NOL8: variants seen among roughly 807,000 people sequenced by gnomAD.
NOL8 encodes the protein nucleolar protein Nop132.
Under a neutral mutation model 116.1 loss-of-function variants are expected in NOL8, and 93 were observed. That is an observed-to-expected ratio of 0.80 (90% confidence interval 0.68 to 0.95). The LOEUF (loss-of-function observed/expected upper bound fraction) is 0.95, where lower values mean the gene tolerates loss of function less well. Ranked by LOEUF, NOL8 falls within the 40% of genes least tolerant of loss-of-function variation. NOL8 has a pLI of 0.00. For missense variants in NOL8, 1,291 were observed against 1,382.8 expected, an observed-to-expected ratio of 0.93 and a Z score of 1.05; for synonymous variants, 419 against 469.0, an observed-to-expected ratio of 0.89 and a Z score of 1.38.
At chr9:92,306,790 C>T (rs1838302598) in intron 11 of NOL8, 96 bp downstream of exon 11, 7 of 1,199,842 alleles carry the variant, frequency 5.8e-6, no homozygotes. Context: ...AGCTGCCTCC[C>T]CAGGCCATTA....
At chr9:92,301,517 TA>T (rs1215657652) in intron 13 of NOL8, 33 bp downstream of exon 13, 2 of 1,493,070 alleles carry the variant, frequency 1.3e-6, no homozygotes, top group Non-Finnish European at 1.8e-6. Flanking sequence ...TCAAACTGAA[TA>T]AAATAAAAAA....
intron 14 of NOL8, among the ~76,000 whole-genome samples, chr9:92,299,268 C>T (rs1342169161): frequency 1.3e-5 from 2 of 152,192 alleles, no homozygotes; most frequent in African/African-American, 2.4e-5. Flanking sequence ...ACCATTGCTA[C>T]CCCATTTGCC....
chr9:92,301,025 A>C (rs1012916419), intron 13 of NOL8, among the ~76,000 whole-genome samples: 1 of 152,154 alleles, frequency 6.6e-6, no homozygotes, highest in Non-Finnish European at 1.5e-5. Context: ...TGGCCTTTAG[A>C]GGTAAGCCTC....
chr9:92,310,808 A>G (rs1203548698), intron 8 of NOL8, 133 bp from the exon 9 acceptor site: 5 of 956,456 alleles, frequency 5.2e-6, no homozygotes, highest in Non-Finnish European at 7.6e-6. Context: ...ATGGCAGGTC[A>G]GGTGGAAATT....
At chr9:92,319,105 G>T in intron 5 of NOL8, 116 bp downstream of exon 5, 3 of 1,112,770 alleles carry the variant, frequency 2.7e-6, no homozygotes, top group Non-Finnish European at 2.5e-6. Flanking sequence ...TATGTTAATT[G>T]CCTCCAAGAA....
intron 1 of NOL8, chr9:92,325,015 C>T (rs1840337652): frequency 6.6e-6 from 1 of 152,162 alleles, no homozygotes; most frequent in South Asian, 2.1e-4. Context: ...GAAAACTTTT[C>T]CAGAGGTACT....
chr9:92,306,274 G>A (rs1838251105), intron 11 of NOL8, among the ~76,000 whole-genome samples: 1 of 152,120 alleles, frequency 6.6e-6, no homozygotes, highest in Admixed American at 6.6e-5. Flanking sequence ...GATCACAGGT[G>A]TGAGCCACCA....
rs186346718 is a variant in NOL8 at position 92,321,983 on chromosome 9, G to A, written c.203-237C>T. Among the ~76,000 whole-genome samples the A allele has an allele frequency of 4.3e-4, 65 of 152,304 alleles. No individual in the cohort carries two copies. The East Asian group carries it at 8.7e-3, about 20-fold the overall frequency. ...TCTCACAGTGTTACTAGATTGGAAT[G>A]AGGCAAAATGTGTAAAAAGTAAAGC... On this transcript the variant is annotated intron_variant, in intron 3 of 16. Transcript: ENST00000442668.
chr9:92,314,928 A>C lies in NOL8; in HGVS notation c.1697T>G (p.Leu566Ter), dbSNP rs1156278640. The change falls in exon 7 of 17, where the codon TTA becomes TGA. Residue 566 changes from leucine to a stop codon, truncating the protein, a stop_gained. Coordinates refer to ENST00000442668, the MANE Select transcript of NOL8 (RefSeq NM_017948.6). LOFTEE classifies it high-confidence loss of function. ...CGKQKPKENN[L>*]KPKFQAFKGV... ...CTTGAAAGCCTGAAATTTTGGCTTT[A>C]AATTGTTTTCCTTTGGTTTCTGTTT... 7 of 1,613,830 alleles carry C rather than the reference A, an allele frequency of 4.3e-6. No individual in the cohort carries two copies. The highest frequency in any genetic ancestry group is 5.9e-6 in the Non-Finnish European group (7 of 1,179,878).
intron 13 of NOL8, among the ~76,000 whole-genome samples, chr9:92,301,143 A>G (rs72750478): frequency 0.031 from 4,663 of 152,298 alleles, 111 homozygotes; most frequent in South Asian, 0.079. Flanking sequence ...ATGACATGGC[A>G]TATTTGTGTA....
At position 92,297,527 on chromosome 9, in the gene NOL8, C is replaced by A. The variant is rs1427698817; in HGVS notation, c.*309G>T. Reference sequence around the variant, plus strand: ...TTTATTTAAAAAGGCTTCATATAAACCTTGCATGAGAAGATGTCCATTAGT... The same window carrying A: ...TTTATTTAAAAAGGCTTCATATAAAACTTGCATGAGAAGATGTCCATTAGT... On this transcript the variant is annotated 3_prime_UTR_variant, in exon 17 of 17. Transcript: ENST00000442668. 2 of 251,646 alleles carry A rather than the reference C, an allele frequency of 7.9e-6. No homozygotes were observed. Among genetic ancestry groups the A allele is most frequent in the Non-Finnish European group, 1.5e-5 (2 of 133,964 alleles). The allele number at this position is 251,646 out of a possible 1,614,324, so 15.6% of individuals were successfully genotyped here. A position where few individuals can be genotyped will look rare whatever the true frequency, so the allele number is the denominator to read the frequency against.
At position 92,314,437 on chromosome 9, in the gene NOL8, C is replaced by T. The variant is rs1839164642; in HGVS notation, c.2188G>A (p.Asp730Asn). The change falls in exon 7 of 17, where the codon GAC becomes AAC. Residue 730 changes from aspartate (D) to asparagine (N), a missense_variant. Coordinates refer to ENST00000442668, the MANE Select transcript of NOL8 (RefSeq NM_017948.6). ...LKKSPKVSSK[D>N]TREIKTDFSL... is the part of the protein sequence containing the mutation. ...AAATCAGTTTTGATTTCCCGAGTGT[C>T]CTTGGATGAGACCTTTGGTGATTTC... 1.9e-6 allele frequency: 3 copies of T among 1,613,188 alleles called. No homozygotes were observed. Among genetic ancestry groups the T allele is most frequent in the African/African-American group, 2.7e-5 (2 of 74,980 alleles).
At position 92,298,921 on chromosome 9, in the gene NOL8, T is replaced by C. The variant is rs1837479472; in HGVS notation, c.3336A>G (p.Arg1112=). 1 of 1,533,678 alleles carries C rather than the reference T, an allele frequency of 6.5e-7. No individual in the cohort carries two copies. Residue 1112 remains arginine (R), a synonymous_variant, in exon 15 of 17, where the codon AGA becomes AGG. Coordinates refer to ENST00000442668, the MANE Select transcript of NOL8 (RefSeq NM_017948.6). ...EASLLEKETT[R]FFFFSKNDER... is the part of the protein sequence containing the mutation. ...CATCATTCTTAGAGAAAAAGAAAAA[T>C]CTAGTGGTCTCTTTCTCAAGTAATG...
intron 2 of NOL8, 70 bp from the exon 3 acceptor site, chr9:92,323,573 GGTT>G (rs1249241796): frequency 1.6e-6 from 2 of 1,287,854 alleles, no homozygotes; most frequent in Non-Finnish European, 2.1e-6. Context: ...ATGTAAAAAC[GGTT>G]GTTTCTAAAT....
intron 7 of NOL8, among the ~76,000 whole-genome samples, chr9:92,311,861 A>C (rs1838825351): frequency 6.6e-6 from 1 of 152,224 alleles, no homozygotes; most frequent in South Asian, 2.1e-4. Context: ...ATTTGCCCAA[A>C]GGAATATAAA....
Position 92,315,601 on chromosome 9 carries a change from T to A in NOL8, c.1024A>T (p.Lys342Ter). 1 of 1,613,300 alleles carries A rather than the reference T, an allele frequency of 6.2e-7. No homozygotes were observed. The highest frequency in any genetic ancestry group is 8.5e-7 in the Non-Finnish European group (1 of 1,179,678). The change falls in exon 7 of 17, where the codon AAA becomes TAA. Residue 342 changes from lysine to a stop codon, truncating the protein, a stop_gained. Transcript: ENST00000442668. LOFTEE classifies it high-confidence loss of function. The part of the protein sequence containing the change: ...DPFEVVRDDF[K>*]SGVHKLHSLI... ...GAATGCAGTTTGTGAACGCCTGATTTGAAATCATCCCTTACAACTTCAAAA... is the reference window on the plus strand; with the variant it reads ...GAATGCAGTTTGTGAACGCCTGATTAGAAATCATCCCTTACAACTTCAAAA...
chr9:92,317,987 A>G (rs961031287), intron 6 of NOL8, among the ~76,000 whole-genome samples: 9 of 135,874 alleles, frequency 6.6e-5, no homozygotes, highest in African/African-American at 2.5e-4. Context: ...GTGAGCCAAG[A>G]TTGTGCCACT....
chr9:92,316,863 A>T (rs1337937256), intron 6 of NOL8, among the ~76,000 whole-genome samples: 2 of 152,324 alleles, frequency 1.3e-5, no homozygotes, highest in East Asian at 3.9e-4. Context: ...TCCGGGAAAG[A>T]TTCTAGTTAA....
rs774328668 is a variant in NOL8, at chr9:92,314,894, G to A, written c.1731C>T (p.Gly577=). The part of the protein sequence containing the change: ...KPKFQAFKGV[G]CLYEKESMKK... ...TCATTGACTCCTTTTCATATAGACAGCCTACTCCCTTGAAAGCCTGAAATT... is the reference window on the plus strand; with the variant it reads ...TCATTGACTCCTTTTCATATAGACAACCTACTCCCTTGAAAGCCTGAAATT... Residue 577 remains glycine (G), a synonymous_variant, in exon 7 of 17, where the codon GGC becomes GGT. Transcript: ENST00000442668. 15 of 1,613,486 alleles carry A rather than the reference G, an allele frequency of 9.3e-6. No homozygotes were observed. The highest frequency in any genetic ancestry group is 1.7e-5 in the Admixed American group (1 of 59,986).
Sources: gnomAD v4.1 joint callset for allele counts (sites outside exome capture counted in the v4.1 genomes callset) on GRCh38, gnomAD v4.1.1 for gene constraint, MANE v1.5 for transcripts, NCBI Gene and HGNC (gene_info 2026-07-23, HGNC 2026-07-21) for gene names.